EXOSC1: variants seen among roughly 807,000 people sequenced by gnomAD.
EXOSC1 encodes exosome complex component CSL4.
A neutral mutation model predicts 31.4 loss-of-function variants in EXOSC1; 27 were observed. The ratio of observed to expected loss-of-function variants is 0.86; its 90% CI spans 0.63 to 1.18. The LOEUF is 1.18. Among genes scored for constraint, EXOSC1 ranks in the 50% most tolerant of loss-of-function variants. EXOSC1 has a pLI of 0.00. For missense variants in EXOSC1, 228 were observed against 250.3 expected (o/e 0.91, Z 0.60); for synonymous variants, 84 against 89.5 (o/e 0.94, Z 0.35).
Position 97,436,534 on chromosome 10 carries a change from T to A in EXOSC1, c.499A>T (p.Ile167Phe), listed in dbSNP as rs1349871175. The change falls in exon 8 of 8, where the codon ATC (isoleucine) becomes TTC (phenylalanine). Residue 167 changes from isoleucine (I) to phenylalanine (F), a missense_variant. Transcript: ENST00000370902. ...GGGCACTGCATCTCACACCAGCTGA[T>A]GGGAACCATCTGGATACCTGGAAGG... The part of the protein sequence containing the change: ...HSESGIQMVP[I>F]SWCEMQCPKT... 6.2e-7 allele frequency: 1 copy of A among 1,607,242 alleles called. No individual in the cohort carries two copies.
chr10:97,436,750 G>A (rs200855037), intron 7 of EXOSC1, among the ~76,000 whole-genome samples, 199 bp from the exon 8 acceptor site: 2 of 152,218 alleles, frequency 1.3e-5, no homozygotes, highest in Non-Finnish European at 2.9e-5. Context: ...CAGGCTGGGC[G>A]TGGTGGCTCA....
At chr10:97,437,359 T>TC in intron 6 of EXOSC1, 84 bp from the exon 7 acceptor site, 1 of 1,089,012 alleles carries the variant, frequency 9.2e-7, no homozygotes, top group Non-Finnish European at 1.4e-6. Context: ...TTCTACCTTT[T>TC]TTTTTTTCTG....
intron 3 of EXOSC1, among the ~76,000 whole-genome samples, chr10:97,441,495 T>G (rs887149894): frequency 3.3e-5 from 5 of 150,554 alleles, no homozygotes; most frequent in Non-Finnish European, 4.4e-5. Context: ...GGTTTTTTTT[T>G]TTTTTTTTTT....
intron 4 of EXOSC1, among the ~76,000 whole-genome samples, 195 bp from the exon 5 acceptor site, chr10:97,438,898 C>T (rs987405009): frequency 1.3e-5 from 2 of 151,866 alleles, no homozygotes; most frequent in Admixed American, 6.6e-5. Flanking sequence ...ATTACAGGCA[C>T]GTCCGCCATG....
At chr10:97,445,894 G>T in intron 1 of EXOSC1, 47 bp from the exon 2 acceptor site, 2 of 1,613,614 alleles carry the variant, frequency 1.2e-6, no homozygotes, top group Non-Finnish European at 1.7e-6. Flanking sequence ...GAAGCTGTAG[G>T]CCGTTTAGCC....
At chr10:97,441,652 A>C (rs953369222) in intron 3 of EXOSC1, among the ~76,000 whole-genome samples, 3 of 151,432 alleles carry the variant, frequency 2.0e-5, no homozygotes, top group Non-Finnish European at 4.4e-5. Context: ...CACCATGCCC[A>C]GCTAATTTTG....
chr10:97,442,981 A>G (rs1315656354), intron 3 of EXOSC1, among the ~76,000 whole-genome samples: 1 of 152,092 alleles, frequency 6.6e-6, no homozygotes, highest in Non-Finnish European at 1.5e-5. Context: ...ATGAGCCACC[A>G]TGCCCGGCAA....
rs763885941 is a variant in EXOSC1 at position 97,445,896 on chromosome 10, C to G, written c.32-49G>C. The G allele has an allele frequency of 1.9e-6, 3 of 1,613,622 alleles. No homozygotes were observed. The Admixed American group carries it at 5.0e-5, about 27-fold the overall frequency. ...TCACGGGCCCCCAGAAGCTGTAGGC[C>G]GTTTAGCCTTCTTGCTTCAGCCCCT... On this transcript the variant is annotated intron_variant, in intron 1 of 7. Transcript: ENST00000370902.
intron 4 of EXOSC1, among the ~76,000 whole-genome samples, chr10:97,439,011 C>G (rs1845635346): frequency 6.6e-6 from 1 of 152,156 alleles, no homozygotes. Context: ...CTCAGCTTCC[C>G]AAAGTGCTGG....
At chr10:97,445,870 G>A (rs1383992678) in intron 1 of EXOSC1, 23 bp from the exon 2 acceptor site, 1 of 1,613,628 alleles carries the variant, frequency 6.2e-7, no homozygotes, top group South Asian at 1.1e-5. Context: ...TGCTGCATCG[G>A]TCACGGGCCC....
intron 5 of EXOSC1, among the ~76,000 whole-genome samples, chr10:97,438,268 A>T (rs1209922867): frequency 6.6e-6 from 1 of 151,410 alleles, no homozygotes; most frequent in Non-Finnish European, 1.5e-5. Flanking sequence ...CCCAGGCTGG[A>T]GTGCAGTGAT....
intron 6 of EXOSC1, 62 bp downstream of exon 6, chr10:97,437,638 A>T (rs1390919191): frequency 1.3e-6 from 2 of 1,527,552 alleles, no homozygotes; most frequent in African/African-American, 2.7e-5. Flanking sequence ...ATGAGCCACC[A>T]CACCCGGCCT....
At chr10:97,439,970 CTTT>C (rs957127403) in intron 4 of EXOSC1, among the ~76,000 whole-genome samples, 6 of 139,622 alleles carry the variant, frequency 4.3e-5, no homozygotes, top group Non-Finnish European at 3.1e-5. Context: ...ATGCCTTCTA[CTTT>C]TTTTTTTTTT....
rs1212299000 is a variant in EXOSC1 at position 97,441,049 on chromosome 10, G to A, written c.311+122C>T. On this transcript the variant is annotated intron_variant, in intron 4 of 7. Coordinates refer to ENST00000370902, the MANE Select transcript of EXOSC1 (RefSeq NM_016046.5). ...TACTAGGGGAGAATCAAAGCACAAA[G>A]AAGAAAGAAAAACGGGCAAAAGAAA... The A allele has an allele frequency of 1.2e-5, 9 of 747,212 alleles. 1 individual carries two copies. The highest frequency in any genetic ancestry group is 2.6e-4 in the Middle Eastern group (1 of 3,858). The allele number at this position is 747,212 out of a possible 1,614,324, so 46.3% of individuals were successfully genotyped here.
chr10:97,441,047 A>C, intron 4 of EXOSC1, 124 bp downstream of exon 4: 1 of 734,372 alleles, frequency 1.4e-6, no homozygotes, highest in Non-Finnish European at 2.2e-6. Context: ...TCAAAGCACA[A>C]AGAAGAAAGA....
chr10:97,438,966 G>T (rs1049219148), intron 4 of EXOSC1, among the ~76,000 whole-genome samples: 1 of 151,884 alleles, frequency 6.6e-6, no homozygotes, highest in Non-Finnish European at 1.5e-5. Flanking sequence ...TGGCCAGGCT[G>T]GTCTTGAACT....
At chr10:97,444,633 G>C (rs1845841005) in intron 2 of EXOSC1, 1 of 152,174 alleles carries the variant, frequency 6.6e-6, no homozygotes, top group Non-Finnish European at 1.5e-5. Context: ...TCAGCGCTGT[G>C]CCTGACACAT....
chr10:97,445,999 C>T lies in EXOSC1; in HGVS notation c.-14G>A, dbSNP rs368174092. The stretch of plus-strand genomic sequence containing the variant: ...AGGTGGCGCCATGATTGCCGCTGTC[C>T]CAAAACCAGGATGAAAACGAAGTCG... On this transcript the variant is annotated 5_prime_UTR_variant, in exon 1 of 8. Coordinates refer to ENST00000370902, the MANE Select transcript of EXOSC1 (RefSeq NM_016046.5). The T allele has an allele frequency of 1.5e-5, 25 of 1,614,108 alleles. No homozygotes were observed. In the Admixed American group the frequency reaches 2.0e-4, roughly 13 times the overall value.
At position 97,436,363 on chromosome 10, in the gene EXOSC1, A is replaced by G; in HGVS notation, c.*82T>C. 9.6e-7 allele frequency: 1 copy of G among 1,038,672 alleles called. No homozygotes were observed. Among genetic ancestry groups the G allele is most frequent in the Non-Finnish European group, 1.5e-6 (1 of 677,776 alleles). The allele number at this position is 1,038,672 out of a possible 1,614,324, so 64.3% of individuals were successfully genotyped here. A position where few individuals can be genotyped will look rare whatever the true frequency, so the allele number is the denominator to read the frequency against. ...CTGGAAGTGGCTGTTGGCCGACGCC[A>G]GGTGTTTGAATAAAGACAGCAGCAT... On this transcript the variant is annotated 3_prime_UTR_variant, in exon 8 of 8. Transcript: ENST00000370902.
Sources: gnomAD v4.1 joint callset for allele counts (sites outside exome capture counted in the v4.1 genomes callset) on GRCh38, gnomAD v4.1.1 for gene constraint, MANE v1.5 for transcripts, NCBI Gene and HGNC (gene_info 2026-07-23, HGNC 2026-07-21) for gene names.